Variants in CAMTA1 observed in about 807,000 individuals in gnomAD.
CAMTA1 encodes the protein calmodulin-binding transcription activator 1.
Under a neutral mutation model 170.9 loss-of-function variants are expected in CAMTA1, and 27 were observed. The ratio of observed to expected loss-of-function variants is 0.16; its 90% CI spans 0.12 to 0.22. The LOEUF (loss-of-function observed/expected upper bound fraction) is 0.22. Ranked by LOEUF, CAMTA1 falls within the 10% of genes least tolerant of loss-of-function variation. CAMTA1 has a pLI of 1.00. For synonymous variants in CAMTA1, 833 were observed against 891.5 expected (o/e 0.93, Z 1.17); for missense variants, 1,619 against 2,217.2 (o/e 0.73, Z 5.42).
intron 5 of CAMTA1, among the ~76,000 whole-genome samples, chr1:7,391,057 A>C (rs567285359): frequency 9.0e-4 from 137 of 151,448 alleles, no homozygotes; most frequent in African/African-American, 3.3e-3. Flanking sequence ...GAGTGCAGTG[A>C]CGCGATCTCG....
In CAMTA1 at chr1:7,534,238, A is replaced by G. The variant is rs2094523904; in HGVS notation, c.510+66337A>G. Among the ~76,000 whole-genome samples, 1 of 152,182 alleles carries G rather than the reference A, an allele frequency of 6.6e-6. No homozygotes were observed. The highest frequency in any genetic ancestry group is 6.5e-5 in the Admixed American group (1 of 15,280). ...CCATTAGTCTTTCCTTTCCGTGAGAAACATCATAACGTTCAGCAGAGCCCA... is the reference window on the plus strand; with the variant it reads ...CCATTAGTCTTTCCTTTCCGTGAGAGACATCATAACGTTCAGCAGAGCCCA... On this transcript the variant is annotated intron_variant, in intron 6 of 22. Transcript: ENST00000303635. This position sits in a 1 kb window ranked among gnomAD's most constrained non-coding sequence, Gnocchi z 5.6.
intron 11 of CAMTA1, among the ~76,000 whole-genome samples, chr1:7,718,051 T>C (rs2096623900): frequency 1.3e-5 from 2 of 152,276 alleles, no homozygotes; most frequent in Non-Finnish European, 2.9e-5. Flanking sequence ...CAATTTCTCT[T>C]TACGTTCATG....
chr1:7,137,646 C>A (rs994766891), intron 4 of CAMTA1, among the ~76,000 whole-genome samples: 1 of 152,216 alleles, frequency 6.6e-6, no homozygotes, highest in Non-Finnish European at 1.5e-5. Flanking sequence ...GAAGCTTGAA[C>A]CCTGCACTCC....
intron 3 of CAMTA1, among the ~76,000 whole-genome samples, chr1:7,069,988 G>A (rs1427571695): frequency 6.6e-6 from 1 of 152,210 alleles, no homozygotes; most frequent in Non-Finnish European, 1.5e-5. Context: ...TCCTTGCCGC[G>A]GCCTCTGGTT....
chr1:7,155,302 C>T (rs949352231), intron 4 of CAMTA1, among the ~76,000 whole-genome samples: 34 of 151,680 alleles, frequency 2.2e-4, no homozygotes, highest in African/African-American at 8.0e-4. Flanking sequence ...GGGCAGCGCC[C>T]ATCCCTGCCT....
intron 4 of CAMTA1, among the ~76,000 whole-genome samples, chr1:7,126,186 C>T (rs770179857): frequency 2.0e-5 from 3 of 152,174 alleles, no homozygotes; most frequent in Admixed American, 6.5e-5. Context: ...CCTCCCACAA[C>T]ACTGGGGAAT....
intron 3 of CAMTA1, among the ~76,000 whole-genome samples, chr1:6,953,882 C>T (rs1688979090): frequency 6.6e-6 from 1 of 152,120 alleles, no homozygotes; most frequent in Non-Finnish European, 1.5e-5. Context: ...ACGGGTTTGC[C>T]TCTGTGGGAG....
intron 2 of CAMTA1, among the ~76,000 whole-genome samples, chr1:6,824,686 A>T (rs912637679): frequency 6.6e-6 from 1 of 152,216 alleles, no homozygotes; most frequent in Non-Finnish European, 1.5e-5. Flanking sequence ...ATATATTACT[A>T]TAATTCTTCT....
chr1:7,644,029 G>T (rs72630529), intron 7 of CAMTA1, among the ~76,000 whole-genome samples: 1 of 152,132 alleles, frequency 6.6e-6, no homozygotes, highest in African/African-American at 2.4e-5. Flanking sequence ...GCGTGCCTTC[G>T]AAGACTTCAC....
intron 5 of CAMTA1, among the ~76,000 whole-genome samples, chr1:7,359,720 C>T (rs2085396833): frequency 6.6e-6 from 1 of 152,156 alleles, no homozygotes. Context: ...GGCATGAGGG[C>T]TCCAGCCTGT....
intron 6 of CAMTA1, among the ~76,000 whole-genome samples, chr1:7,624,634 C>T (rs759646428): frequency 5.9e-5 from 9 of 152,184 alleles, no homozygotes; most frequent in South Asian, 4.2e-4. Flanking sequence ...CTCTAGTGAC[C>T]GATCCAGGAT....
chr1:7,041,633 C>T lies in CAMTA1; in HGVS notation c.235-49671C>T, dbSNP rs1160638096. Among the ~76,000 whole-genome samples, 1 of 152,196 alleles carries T rather than the reference C, an allele frequency of 6.6e-6. No homozygotes were observed. Among genetic ancestry groups the T allele is most frequent in the African/African-American group, 2.4e-5 (1 of 41,446 alleles). On this transcript the variant is annotated intron_variant, in intron 3 of 22. Coordinates refer to ENST00000303635, the MANE Select transcript of CAMTA1 (RefSeq NM_015215.4). The surrounding 1 kb of genome is among the most constrained non-coding windows in gnomAD (Gnocchi z 5.1). ...GAGTGAAGAAATACGCATAAAGGCA[C>T]AATTACCATGGACATTTTCCTTTTA...
intron 6 of CAMTA1, among the ~76,000 whole-genome samples, chr1:7,475,041 A>T (rs1182373136): frequency 1.3e-5 from 2 of 152,236 alleles, no homozygotes; most frequent in African/African-American, 4.8e-5. Context: ...CTCCACCCGG[A>T]TGAGCTGGGC....
In CAMTA1 at chr1:7,269,203, T is replaced by C. The variant is rs55728819; in HGVS notation, c.438+19577T>C. ...CTGAGGTCTCATCTGAAGGCTTGACTGAGGAGGACCTGCTGCTAAGCATTC... is the reference window on the plus strand; with the variant it reads ...CTGAGGTCTCATCTGAAGGCTTGACCGAGGAGGACCTGCTGCTAAGCATTC... On this transcript the variant is annotated intron_variant, in intron 5 of 22. Coordinates refer to ENST00000303635, the MANE Select transcript of CAMTA1 (RefSeq NM_015215.4). Among the ~76,000 whole-genome samples, 235 of 152,352 alleles carry C rather than the reference T, an allele frequency of 1.5e-3. 2 individuals are homozygous for C. The highest frequency in any genetic ancestry group is 5.5e-3 in the African/African-American group (227 of 41,592).
intron 3 of CAMTA1, among the ~76,000 whole-genome samples, chr1:7,087,436 C>T (rs977268429): frequency 2.6e-5 from 4 of 152,168 alleles, no homozygotes; most frequent in African/African-American, 9.7e-5. Context: ...CTGGACTCCT[C>T]CTGGTCCACT....
chr1:7,297,357 T>A (rs1003190667), intron 5 of CAMTA1, among the ~76,000 whole-genome samples: 3 of 152,188 alleles, frequency 2.0e-5, no homozygotes, highest in Non-Finnish European at 4.4e-5. Flanking sequence ...ATTTTGCCCT[T>A]ATTCCTAGGC....
At chr1:7,104,905 G>C (rs1643425394) in intron 4 of CAMTA1, among the ~76,000 whole-genome samples, 2 of 152,108 alleles carry the variant, frequency 1.3e-5, no homozygotes, top group Admixed American at 1.3e-4. Flanking sequence ...TTTTAGCTGT[G>C]ATACAGAATT....
At chr1:7,716,142 C>T (rs2096608339) in intron 11 of CAMTA1, among the ~76,000 whole-genome samples, 2 of 152,170 alleles carry the variant, frequency 1.3e-5, no homozygotes, top group African/African-American at 4.8e-5. Flanking sequence ...ACGTGATCCC[C>T]CCATCTCAGC....
intron 3 of CAMTA1, among the ~76,000 whole-genome samples, chr1:6,909,019 G>A (rs1679157512): frequency 6.6e-6 from 1 of 152,212 alleles, no homozygotes; most frequent in Non-Finnish European, 1.5e-5. Flanking sequence ...ATAACCACAA[G>A]CATCTGCATC....
Sources: gnomAD v4.1 joint callset for allele counts (sites outside exome capture counted in the v4.1 genomes callset) on GRCh38, gnomAD v4.1.1 for gene constraint, Gnocchi (gnomAD v3.1) non-coding constraint, MANE v1.5 for transcripts, NCBI Gene and HGNC (gene_info 2026-07-23, HGNC 2026-07-21) for gene names.